Variants in BMPR1B observed in about 807,000 individuals in gnomAD.
BMPR1B encodes the protein bone morphogenetic protein receptor type 1B.
A neutral mutation model predicts 59.1 loss-of-function variants in BMPR1B; 12 were observed. The ratio of observed to expected loss-of-function variants is 0.20; its 90% confidence interval spans 0.13 to 0.33. The LOEUF (loss-of-function observed/expected upper bound fraction) is 0.33, where lower values mean the gene tolerates loss of function less well. Among genes scored for constraint, BMPR1B ranks in the 10% least tolerant of loss-of-function variants. The pLI is 1.00. For synonymous variants in BMPR1B, 237 were observed against 207.3 expected (o/e 1.14, Z -1.23); for missense variants, 550 against 610.9 (o/e 0.90, Z 1.05).
intron 1 of BMPR1B, among the ~76,000 whole-genome samples, chr4:94,869,865 C>A (rs1338778813): frequency 6.6e-6 from 1 of 152,126 alleles, no homozygotes. Context: ...AATAGAGGCA[C>A]CACTTTCCCC....
intron 1 of BMPR1B, among the ~76,000 whole-genome samples, chr4:94,870,299 A>C (rs879579283): frequency 4.0e-5 from 6 of 149,526 alleles, no homozygotes; most frequent in Admixed American, 1.3e-4. Context: ...GTCATACACT[A>C]GCTCTTAATC....
intron 2 of BMPR1B, among the ~76,000 whole-genome samples, chr4:94,883,787 A>C (rs1427967447): frequency 6.6e-6 from 1 of 152,170 alleles, no homozygotes; most frequent in African/African-American, 2.4e-5. Context: ...CCTTTGAGGA[A>C]CATGTGATTT....
chr4:95,045,539 A>T (rs192888578), intron 3 of BMPR1B, among the ~76,000 whole-genome samples: 1 of 152,092 alleles, frequency 6.6e-6, no homozygotes, highest in African/African-American at 2.4e-5. Context: ...TCATAAATGT[A>T]CTGTACTGCC....
At chr4:95,071,648 GTGTGTATATATA>G (rs1227736314) in intron 3 of BMPR1B, among the ~76,000 whole-genome samples, 17 of 104,776 alleles carry the variant, frequency 1.6e-4, no homozygotes, top group African/African-American at 4.8e-4. Flanking sequence ...GTGTGTGTGT[GTGTGTATATATA>G]TATATATATA....
intron 3 of BMPR1B, among the ~76,000 whole-genome samples, chr4:95,030,842 T>G (rs1724789106): frequency 6.6e-6 from 1 of 152,186 alleles, no homozygotes; most frequent in African/African-American, 2.4e-5. Flanking sequence ...CAAGGAGAAC[T>G]ACAAACCACT....
chr4:94,799,453 G>A lies in BMPR1B; in HGVS notation c.-183+41385G>A, dbSNP rs369173804. 2.1e-4 allele frequency among the ~76,000 whole-genome samples: 32 copies of A among 149,566 alleles called. 1 individual carries two copies. The East Asian group carries it at 3.0e-3, about 14-fold the overall frequency. ...CAAGTAGCTGAGACTACAGGCACGC[G>A]CCACCATGCCCAGCTAAGTTTTTGT... On this transcript the variant is annotated intron_variant, in intron 1 of 12. Coordinates refer to ENST00000515059, the MANE Select transcript of BMPR1B (RefSeq NM_001203.3).
intron 2 of BMPR1B, among the ~76,000 whole-genome samples, chr4:94,958,174 A>T (rs539049831): frequency 3.3e-5 from 5 of 152,200 alleles, no homozygotes; most frequent in Non-Finnish European, 7.3e-5. Context: ...AAGCTCTAGC[A>T]TGTATCTGTG....
intron 3 of BMPR1B, among the ~76,000 whole-genome samples, chr4:95,014,431 C>T (rs1196512445): frequency 6.6e-6 from 1 of 152,080 alleles, no homozygotes; most frequent in Non-Finnish European, 1.5e-5. Flanking sequence ...TGAAAAAAGC[C>T]TGACCTGTTT....
At chr4:95,029,924 G>A (rs1201567276) in intron 3 of BMPR1B, among the ~76,000 whole-genome samples, 57 of 151,966 alleles carry the variant, frequency 3.8e-4, no homozygotes, top group African/African-American at 1.2e-3. Context: ...CTTTTGAGAA[G>A]TGTCTGTTCA....
intron 3 of BMPR1B, among the ~76,000 whole-genome samples, chr4:95,101,422 G>A (rs1471898416): frequency 1.3e-5 from 2 of 152,134 alleles, no homozygotes; most frequent in African/African-American, 4.8e-5. Flanking sequence ...CTAGCGTGTA[G>A]GGAATAGGAA....
chr4:95,098,821 A>G (rs13103826), intron 3 of BMPR1B, among the ~76,000 whole-genome samples: 35,242 of 151,932 alleles, frequency 0.23, 4,445 homozygotes, highest in East Asian at 0.46. Context: ...GGTTCACACC[A>G]TTCTCCTGCC....
At chr4:94,844,380 G>A (rs6835688) in intron 1 of BMPR1B, among the ~76,000 whole-genome samples, 93,183 of 151,866 alleles carry the variant, frequency 0.61, 29,603 homozygotes, top group African/African-American at 0.78. Context: ...AGGATTCAGA[G>A]TGGCTCAAAG....
intron 1 of BMPR1B, among the ~76,000 whole-genome samples, chr4:94,830,705 C>T (rs1168034702): frequency 1.2e-4 from 18 of 152,044 alleles, no homozygotes. Context: ...AATATAATGA[C>T]GTTTTGGTCA....
intron 1 of BMPR1B, among the ~76,000 whole-genome samples, chr4:94,864,006 G>T (rs943286122): frequency 1.3e-5 from 2 of 152,154 alleles, no homozygotes; most frequent in African/African-American, 4.8e-5. Flanking sequence ...AAAAGTAATG[G>T]AAGATTCCAA....
intron 1 of BMPR1B, among the ~76,000 whole-genome samples, chr4:94,836,450 C>T (rs1724824186): frequency 7.1e-6 from 1 of 141,492 alleles, no homozygotes; most frequent in South Asian, 2.4e-4. Context: ...GATTGCCATT[C>T]TAACTGGTGT....
intron 2 of BMPR1B, among the ~76,000 whole-genome samples, chr4:94,928,188 A>G (rs1728962394): frequency 6.6e-6 from 1 of 151,276 alleles, no homozygotes; most frequent in Admixed American, 6.6e-5. Context: ...TAGAAAGAGA[A>G]ATAAAGCTAT....
chr4:94,860,634 T>G (rs193021449), intron 1 of BMPR1B, among the ~76,000 whole-genome samples: 42 of 152,272 alleles, frequency 2.8e-4, no homozygotes, highest in African/African-American at 5.8e-4. Context: ...ATATTAAACT[T>G]TTATTTTTTA....
chr4:94,885,479 A>G (rs1727137465), intron 2 of BMPR1B, among the ~76,000 whole-genome samples: 1 of 152,226 alleles, frequency 6.6e-6, no homozygotes, highest in East Asian at 1.9e-4. Flanking sequence ...CCATTATAAC[A>G]GAATACAAAA....
In BMPR1B at chr4:95,155,289, T is replaced by G. The variant is rs1735338572; in HGVS notation, c.*616T>G. 6.6e-6 allele frequency: 1 copy of G among 152,580 alleles called. No individual in the cohort carries two copies. The highest frequency in any genetic ancestry group is 2.1e-4 in the South Asian group (1 of 4,846). The allele number at this position is 152,580 out of a possible 1,614,324, so 9.5% of individuals were successfully genotyped here. A position where few individuals can be genotyped will look rare whatever the true frequency, so the allele number is the denominator to read the frequency against. ...ATGCACTGGGTACAAACACCGCCTGTCTAGGACCACATTTGGAATTCCTGC... is the reference window on the plus strand; with the variant it reads ...ATGCACTGGGTACAAACACCGCCTGGCTAGGACCACATTTGGAATTCCTGC... On this transcript the variant is annotated 3_prime_UTR_variant, in exon 13 of 13. Transcript: ENST00000515059.
Sources: gnomAD v4.1 joint callset for allele counts (sites outside exome capture counted in the v4.1 genomes callset) on GRCh38, gnomAD v4.1.1 for gene constraint, MANE v1.5 for transcripts, NCBI Gene and HGNC (gene_info 2026-07-23, HGNC 2026-07-21) for gene names.